Variants in MMS22L observed in about 807,000 individuals in gnomAD.
The protein encoded by MMS22L is protein MMS22-like.
In MMS22L, 74 loss-of-function variants were observed where a neutral mutation model predicts 159.1. The observed-to-expected ratio is 0.47, with a 90% CI of 0.39 to 0.56. The LOEUF (loss-of-function observed/expected upper bound fraction) is 0.56, where lower values mean the gene tolerates loss of function less well. MMS22L is among the 20% of genes least tolerant of loss of function. The pLI, the probability that MMS22L is intolerant of heterozygous loss-of-function variation, is 0.00. For synonymous variants in MMS22L, 517 were observed against 506.9 expected (o/e 1.02, Z -0.27); for missense variants, 1,351 against 1,422.1 (o/e 0.95, Z 0.80).
At chr6:97,192,061 T>C (rs531531566) in intron 14 of MMS22L, among the ~76,000 whole-genome samples, 3 of 152,238 alleles carry the variant, frequency 2.0e-5, no homozygotes, top group Admixed American at 6.5e-5. Flanking sequence ...GAAACCAGGC[T>C]GGCAAGTAGC....
At position 97,149,957 on chromosome 6, in the gene MMS22L, T is replaced by C. The variant is rs777216297; in HGVS notation, c.3546A>G (p.Val1182=). The change falls in exon 24 of 25, where the codon GTA becomes GTG. Residue 1182 remains valine, a synonymous_variant. Coordinates refer to ENST00000683635, the MANE Select transcript of MMS22L (RefSeq NM_001350599.2). ...TGACAACCTGCTGGTCCAATGTTGC[T>C]ACTGTTTCTAAAATGCTGTAAACCT... ...YYQVYSILET[V]ATLDQQVVIH... 1.2e-6 allele frequency: 2 copies of C among 1,613,692 alleles called. No homozygotes were observed. The highest frequency in any genetic ancestry group is 2.2e-5 in the East Asian group (1 of 44,848).
chr6:97,221,860 C>T (rs1042183293), intron 14 of MMS22L, among the ~76,000 whole-genome samples: 3 of 151,998 alleles, frequency 2.0e-5, no homozygotes, highest in African/African-American at 7.2e-5. Context: ...GAGCAAACTA[C>T]AGAAATAACT....
chr6:97,210,258 T>C (rs1423014406), intron 14 of MMS22L, among the ~76,000 whole-genome samples: 1 of 151,870 alleles, frequency 6.6e-6, no homozygotes, highest in Non-Finnish European at 1.5e-5. Context: ...ACCAAGGAGA[T>C]ATAAAAAGTG....
chr6:97,205,405 C>A lies in MMS22L; in HGVS notation c.2040-18715G>T, dbSNP rs1201493858. ...AAATATCCTAAGTTCTATGGCTACA[C>A]AATAATGGGCTATGGACAAGATCTG... is the stretch of plus-strand genomic sequence containing the variant. On this transcript the variant is annotated intron_variant, in intron 14 of 24. Transcript: ENST00000683635. 2.6e-5 allele frequency among the ~76,000 whole-genome samples: 4 copies of A among 152,240 alleles called. No individual in the cohort carries two copies. In the East Asian group the frequency reaches 5.8e-4, roughly 22 times the overall value.
chr6:97,279,177 A>T (rs1816515010), intron 3 of MMS22L, among the ~76,000 whole-genome samples: 1 of 152,200 alleles, frequency 6.6e-6, no homozygotes, highest in Admixed American at 6.5e-5. Flanking sequence ...CATCAGCAAG[A>T]TACTGTTTAT....
At position 97,143,182 on chromosome 6, in the gene MMS22L, ATAT is replaced by A. The variant is rs1248631855; in HGVS notation, c.*3621_*3623del. On this transcript the variant is annotated 3_prime_UTR_variant, in exon 25 of 25. Transcript: ENST00000683635. ...TTATACTCTATCTGGTATTTTATAG[ATAT>A]TATTTGACTGGAATACTCATGTATC... 6.6e-6 allele frequency: 1 copy of A among 152,152 alleles called. No homozygotes were observed. The highest frequency in any genetic ancestry group is 1.5e-5 in the Non-Finnish European group (1 of 68,016). 9.4% of individuals were successfully genotyped at this position (152,152 alleles called of 1,614,324 possible).
intron 22 of MMS22L, among the ~76,000 whole-genome samples, chr6:97,160,243 G>T (rs1802300973): frequency 6.6e-6 from 1 of 151,976 alleles, no homozygotes; most frequent in African/African-American, 2.4e-5. Context: ...CCTGGGGTCA[G>T]TCTCAGTCTG....
rs1356872592 is a variant in MMS22L, at chr6:97,145,021, A to ACCC, written c.*1784_*1785insGGG. 2 of 90,790 alleles carry ACCC rather than the reference A, an allele frequency of 2.2e-5. No homozygotes were observed. The highest frequency in any genetic ancestry group is 4.7e-4 in the South Asian group (1 of 2,144). The allele number at this position is 90,790 out of a possible 1,614,324, so 5.6% of individuals were successfully genotyped here. A position where few individuals can be genotyped will look rare whatever the true frequency, so the allele number is the denominator to read the frequency against. ...TTATCAATCTCCTTTGGAAAAAAAAAACCCACACACACACACACACACACA... is the reference window on the plus strand; with the variant it reads ...TTATCAATCTCCTTTGGAAAAAAAAACCCACCCACACACACACACACACACACA... On this transcript the variant is annotated 3_prime_UTR_variant, in exon 25 of 25. Transcript: ENST00000683635.
intron 14 of MMS22L, among the ~76,000 whole-genome samples, chr6:97,224,668 A>G (rs1487074958): frequency 1.3e-5 from 2 of 151,892 alleles, no homozygotes; most frequent in Non-Finnish European, 1.5e-5. Context: ...ACTCAGAATT[A>G]TACAAATAGT....
chr6:97,201,438 G>T (rs1807153431), intron 14 of MMS22L, among the ~76,000 whole-genome samples: 1 of 152,058 alleles, frequency 6.6e-6, no homozygotes, highest in African/African-American at 2.4e-5. Flanking sequence ...AAGAACTGCT[G>T]GATCACTAAA....
chr6:97,172,240 C>T (rs1416417027), intron 19 of MMS22L, among the ~76,000 whole-genome samples: 1 of 151,992 alleles, frequency 6.6e-6, no homozygotes, highest in Admixed American at 6.6e-5. Flanking sequence ...ATTGCTATAG[C>T]TTTTCCTGTA....
chr6:97,254,035 G>A (rs1582803540), intron 10 of MMS22L: 2 of 152,496 alleles, frequency 1.3e-5, no homozygotes, highest in South Asian at 4.1e-4. Flanking sequence ...TTTCTAATGA[G>A]AAATTAATAT....
intron 14 of MMS22L, among the ~76,000 whole-genome samples, chr6:97,216,304 T>G (rs1809009557): frequency 6.6e-6 from 1 of 152,206 alleles, no homozygotes; most frequent in African/African-American, 2.4e-5. Context: ...GAGGTTTTAT[T>G]AATCCAAAAG....
rs559871115 is a variant in MMS22L at position 97,142,398 on chromosome 6, T to G, written c.*4408A>C. 2.0e-5 allele frequency: 3 copies of G among 152,586 alleles called. No homozygotes were observed. Among genetic ancestry groups the G allele is most frequent in the East Asian group, 3.9e-4 (2 of 5,190 alleles). 9.5% of individuals were successfully genotyped at this position (152,586 alleles called of 1,614,324 possible). On this transcript the variant is annotated 3_prime_UTR_variant, in exon 25 of 25. Coordinates refer to ENST00000683635, the MANE Select transcript of MMS22L (RefSeq NM_001350599.2). ...AGTATCAAAATACACCTTATTAAAT[T>G]TGTAAAGAATATGCTATGTTGCTAG...
chr6:97,213,275 G>A (rs983863133), intron 14 of MMS22L, among the ~76,000 whole-genome samples: 6 of 152,182 alleles, frequency 3.9e-5, no homozygotes, highest in Admixed American at 3.3e-4. Context: ...GCATGATGGC[G>A]CATGCCTGTG....
chr6:97,277,917 T>TGG (rs1816398365), intron 4 of MMS22L, among the ~76,000 whole-genome samples: 1 of 152,162 alleles, frequency 6.6e-6, no homozygotes, highest in Admixed American at 6.5e-5. Context: ...TAGGCATCAA[T>TGG]AATGGTAGAC....
At chr6:97,264,388 C>T (rs1452924530) in intron 8 of MMS22L, 1 of 151,894 alleles carries the variant, frequency 6.6e-6, no homozygotes, top group Non-Finnish European at 1.5e-5. Context: ...AAAAAATCCT[C>T]AGCAGCCCTA....
intron 16 of MMS22L, among the ~76,000 whole-genome samples, chr6:97,181,432 G>A (rs186636038): frequency 1.3e-5 from 2 of 152,020 alleles, no homozygotes; most frequent in African/African-American, 2.4e-5. Context: ...CATTGTTCAG[G>A]TGAAGTATCT....
chr6:97,151,619 T>C, intron 23 of MMS22L, 152 bp downstream of exon 23: 1 of 619,032 alleles, frequency 1.6e-6, no homozygotes, highest in South Asian at 2.1e-5. Context: ...AACATCACAG[T>C]GTAACAAAAC....
Sources: allele counts gnomAD v4.1 joint callset (sites outside exome capture counted in the v4.1 genomes callset), GRCh38; gene constraint gnomAD v4.1.1; transcripts MANE v1.5; gene names NCBI Gene and HGNC (gene_info 2026-07-23, HGNC 2026-07-21).